Variants in NFIA observed in about 807,000 individuals in gnomAD.
The protein encoded by NFIA is nuclear factor I A, also known as nuclear factor 1 A-type.
In NFIA, 8 loss-of-function variants were observed where a neutral mutation model predicts 62.8. That is an observed-to-expected ratio of 0.13 (90% CI 0.07 to 0.23). NFIA has a LOEUF of 0.23. Ranked by LOEUF, NFIA falls within the 10% of genes least tolerant of loss-of-function variation. NFIA has a pLI of 1.00. For synonymous variants in NFIA, 235 were observed against 238.1 expected (o/e 0.99, Z 0.12); for missense variants, 410 against 642.1 (o/e 0.64, Z 3.91).
At chr1:61,107,267 T>G (rs1017631580) in intron 2 of NFIA, among the ~76,000 whole-genome samples, 5 of 151,680 alleles carry the variant, frequency 3.3e-5, no homozygotes, top group Admixed American at 6.6e-5. Context: ...ACTAACAAGT[T>G]ATGCCTGTTT....
At chr1:61,448,686 C>T (rs770070090) in intron 10 of NFIA, among the ~76,000 whole-genome samples, 1 of 152,206 alleles carries the variant, frequency 6.6e-6, no homozygotes, top group Non-Finnish European at 1.5e-5. Context: ...AGTCCTGGCT[C>T]TTACGGCTAT....
intron 2 of NFIA, among the ~76,000 whole-genome samples, chr1:61,267,237 C>T (rs369344624): frequency 1.3e-5 from 2 of 152,066 alleles, no homozygotes; most frequent in South Asian, 2.1e-4. Flanking sequence ...GGCTGGGTGC[C>T]GTGGCTCATG....
At chr1:61,159,680 CTTTTTT>C (rs11300026) in intron 2 of NFIA, among the ~76,000 whole-genome samples, 1 of 85,848 alleles carries the variant, frequency 1.2e-5, no homozygotes, top group Non-Finnish European at 2.5e-5. Context: ...AATGTAGATG[CTTTTTT>C]TTTTTTTTTT....
chr1:61,099,380 A>G (rs773592279), intron 2 of NFIA, among the ~76,000 whole-genome samples: 29 of 152,292 alleles, frequency 1.9e-4, no homozygotes, highest in Non-Finnish European at 3.4e-4. Context: ...CACCCAGTCT[A>G]AAACTCAGGA....
intron 2 of NFIA, among the ~76,000 whole-genome samples, chr1:61,108,535 A>G (rs1308110840): frequency 6.6e-6 from 1 of 151,620 alleles, no homozygotes. Flanking sequence ...AAACAGTGAG[A>G]AAGATGTTCA....
intron 7 of NFIA, among the ~76,000 whole-genome samples, chr1:61,399,904 A>G (rs775269524): frequency 6.6e-6 from 1 of 152,258 alleles, no homozygotes. Flanking sequence ...CAATAATACA[A>G]TAATGATCCT....
chr1:61,175,126 TTGA>T (rs764916097), intron 2 of NFIA, among the ~76,000 whole-genome samples: 3 of 40,864 alleles, frequency 7.3e-5, no homozygotes, highest in Non-Finnish European at 1.2e-4. Context: ...CTTTTCTGTA[TTGA>T]TTATTATTAT....
At chr1:61,098,223 T>C (rs1419594484) in intron 2 of NFIA, among the ~76,000 whole-genome samples, 2 of 152,178 alleles carry the variant, frequency 1.3e-5, no homozygotes, top group Admixed American at 1.3e-4. Context: ...CACATTAACA[T>C]GTTGCTGATG....
intron 7 of NFIA, among the ~76,000 whole-genome samples, chr1:61,387,505 G>A (rs145816171): frequency 1.2e-4 from 15 of 126,904 alleles, no homozygotes; most frequent in Admixed American, 4.9e-4. Flanking sequence ...ACGGAGTCTC[G>A]TCAAGCAGTA....
chr1:61,308,197 G>T (rs943956803), intron 3 of NFIA, among the ~76,000 whole-genome samples: 3 of 152,208 alleles, frequency 2.0e-5, no homozygotes, highest in African/African-American at 7.2e-5. Flanking sequence ...GAATGTTGCA[G>T]AGGAGGACAG....
chr1:61,306,619 C>A (rs925580232), intron 3 of NFIA, among the ~76,000 whole-genome samples: 60 of 152,212 alleles, frequency 3.9e-4, no homozygotes, highest in African/African-American at 1.4e-3. Flanking sequence ...TTCTTGAATG[C>A]TTTCTCTTGT....
intron 2 of NFIA, among the ~76,000 whole-genome samples, chr1:61,116,017 GTT>G (rs35803994): frequency 1.5e-3 from 183 of 119,036 alleles, no homozygotes; most frequent in Middle Eastern, 4.4e-3. Context: ...CATGTCTTCT[GTT>G]TTTTTTTTTT....
At chr1:61,155,412 G>A (rs1481746033) in intron 2 of NFIA, among the ~76,000 whole-genome samples, 7 of 152,002 alleles carry the variant, frequency 4.6e-5, no homozygotes, top group South Asian at 2.1e-4. Flanking sequence ...GGTGGCTCAC[G>A]CCTGTAATCC....
intron 2 of NFIA, among the ~76,000 whole-genome samples, chr1:61,159,404 G>T (rs1214447690): frequency 1.3e-5 from 2 of 152,054 alleles, no homozygotes; most frequent in African/African-American, 4.8e-5. Context: ...AATCAACTGG[G>T]GATCTTGTTA....
chr1:61,115,072 C>T (rs1468055493), intron 2 of NFIA, among the ~76,000 whole-genome samples: 2 of 152,174 alleles, frequency 1.3e-5, no homozygotes, highest in South Asian at 2.1e-4. Flanking sequence ...CTACACCTCC[C>T]GGGTTCAAAC....
At chr1:61,111,320 A>C (rs1445918953) in intron 2 of NFIA, among the ~76,000 whole-genome samples, 1 of 152,134 alleles carries the variant, frequency 6.6e-6, no homozygotes, top group Non-Finnish European at 1.5e-5. Context: ...TGTACTGAGC[A>C]CTCAGATCTT....
intron 2 of NFIA, among the ~76,000 whole-genome samples, chr1:61,256,238 G>T (rs1271756953): frequency 6.6e-6 from 1 of 151,952 alleles, no homozygotes; most frequent in East Asian, 1.9e-4. Context: ...TTCAAGACCA[G>T]CCTGGCCAAC....
In NFIA at chr1:61,109,809, T is replaced by G. The variant is rs1646665330; in HGVS notation, c.559+21129T>G. On this transcript the variant is annotated intron_variant, in intron 2 of 10. Coordinates refer to ENST00000403491, the MANE Select transcript of NFIA (RefSeq NM_001134673.4). ...GAGTAGAATTATGTTCTGGTATTGA[T>G]CCACAAAGAGGATTTGCATTTTATT... 2.6e-5 allele frequency among the ~76,000 whole-genome samples: 4 copies of G among 151,980 alleles called. No homozygotes were observed. In the South Asian group the frequency reaches 8.3e-4, roughly 31 times the overall value.
chr1:61,451,847 G>A (rs1325116543), intron 10 of NFIA, among the ~76,000 whole-genome samples: 4 of 152,180 alleles, frequency 2.6e-5, no homozygotes, highest in South Asian at 2.1e-4. Context: ...TATAAAGTAC[G>A]AAGGCAGAAA....
Sources: gnomAD v4.1 joint callset for allele counts (sites outside exome capture counted in the v4.1 genomes callset) on GRCh38, gnomAD v4.1.1 for gene constraint, MANE v1.5 for transcripts, NCBI Gene and HGNC (gene_info 2026-07-23, HGNC 2026-07-21) for gene names.